The following SERGEF variants were observed in gnomAD, a reference collection of about 807,000 sequenced individuals.
SERGEF encodes secretion-regulating guanine nucleotide exchange factor.
In SERGEF, 51 loss-of-function variants were observed where a neutral mutation model predicts 50.0. The ratio of observed to expected loss-of-function variants is 1.02; its 90% confidence interval spans 0.81 to 1.29. SERGEF has a LOEUF of 1.29. Ranked by LOEUF, SERGEF falls within the 50% of genes most tolerant of loss-of-function variation. SERGEF has a pLI of 0.00. For missense variants in SERGEF, 521 were observed against 557.0 expected (o/e 0.94, Z 0.65); for synonymous variants, 205 against 212.4 (o/e 0.97, Z 0.30).
chr11:17,807,147 A>G (rs1274771661), intron 10 of SERGEF, among the ~76,000 whole-genome samples: 2 of 152,204 alleles, frequency 1.3e-5, no homozygotes, highest in Admixed American at 6.5e-5. Context: ...AATGGAGAAG[A>G]GCAGTGTTCC....
chr11:17,813,048 C>A (rs1024803130), intron 10 of SERGEF, among the ~76,000 whole-genome samples: 5 of 152,244 alleles, frequency 3.3e-5, no homozygotes, highest in Admixed American at 3.3e-4. Context: ...AGAAGGGTAC[C>A]CTAAAACAAG....
At chr11:17,919,962 C>A (rs1308427073) in intron 9 of SERGEF, among the ~76,000 whole-genome samples, 1 of 119,856 alleles carries the variant, frequency 8.3e-6, no homozygotes, top group Admixed American at 8.4e-5. Context: ...AAAAAAAAAA[C>A]CGCAGCCAGG....
chr11:17,817,721 G>C (rs1195684364), intron 10 of SERGEF, among the ~76,000 whole-genome samples: 1 of 152,242 alleles, frequency 6.6e-6, no homozygotes, highest in Non-Finnish European at 1.5e-5. Context: ...TGCAAGGTTA[G>C]TGTTATTAAT....
At chr11:17,943,878 G>T (rs555751810) in intron 9 of SERGEF, among the ~76,000 whole-genome samples, 42 of 152,186 alleles carry the variant, frequency 2.8e-4, no homozygotes, top group African/African-American at 9.4e-4. Flanking sequence ...AAATCTCAAC[G>T]TTTCACTAGC....
intron 10 of SERGEF, among the ~76,000 whole-genome samples, chr11:17,802,861 G>A (rs562547686): frequency 2.6e-5 from 4 of 152,148 alleles, no homozygotes; most frequent in Admixed American, 2.6e-4. Context: ...TTCCTTCCCA[G>A]CACGTAATAC....
chr11:17,883,568 G>A (rs1051779375), intron 9 of SERGEF, among the ~76,000 whole-genome samples: 1 of 152,224 alleles, frequency 6.6e-6, no homozygotes, highest in Non-Finnish European at 1.5e-5. Flanking sequence ...AAGGTAACTT[G>A]TGCAGTGTTT....
chr11:17,819,842 G>T (rs994635370), intron 10 of SERGEF, among the ~76,000 whole-genome samples: 10 of 149,764 alleles, frequency 6.7e-5, no homozygotes, highest in South Asian at 6.2e-4. Context: ...TTGCTTTTTT[G>T]TTGTTGTTGT....
At chr11:17,849,875 A>G (rs1850680389) in intron 10 of SERGEF, among the ~76,000 whole-genome samples, 2 of 152,180 alleles carry the variant, frequency 1.3e-5, no homozygotes, top group Non-Finnish European at 2.9e-5. Flanking sequence ...CTGCTTTACT[A>G]TATTATGTCT....
chr11:17,999,387 A>G (rs1853911968), intron 5 of SERGEF: 1 of 315,742 alleles, frequency 3.2e-6, no homozygotes, highest in Non-Finnish European at 6.2e-6. Flanking sequence ...TTGCAGCTGC[A>G]TGTGCATCTG....
rs116295164 is a variant in SERGEF, at chr11:18,012,082, C to T, written c.60+869G>A. Reference sequence around the variant, plus strand: ...CAGCACATGGGTAGGCACACAGATGCTCGTTCATTCATTCGTCAACGAGTA... The same window carrying T: ...CAGCACATGGGTAGGCACACAGATGTTCGTTCATTCATTCGTCAACGAGTA... On this transcript the variant is annotated intron_variant, in intron 1 of 10. Transcript: ENST00000265965. Among the ~76,000 whole-genome samples, 846 of 152,260 alleles carry T rather than the reference C, an allele frequency of 5.6e-3. 12 individuals carry two copies. Among genetic ancestry groups the T allele is most frequent in the African/African-American group, 0.02 (822 of 41,542 alleles).
At chr11:17,915,067 C>G (rs1338664462) in intron 9 of SERGEF, among the ~76,000 whole-genome samples, 1 of 152,178 alleles carries the variant, frequency 6.6e-6, no homozygotes, top group African/African-American at 2.4e-5. Flanking sequence ...AAACCTGTGT[C>G]TAATTCATTT....
At chr11:17,970,153 G>A (rs1341024457) in intron 8 of SERGEF, among the ~76,000 whole-genome samples, 1 of 152,204 alleles carries the variant, frequency 6.6e-6, no homozygotes, top group Non-Finnish European at 1.5e-5. Context: ...TTGAAGGTTT[G>A]TGGCAACCCT....
intron 1 of SERGEF, 74 bp downstream of exon 1, chr11:18,012,877 C>A (rs1281791619): frequency 6.5e-7 from 1 of 1,528,962 alleles, no homozygotes; most frequent in Non-Finnish European, 8.7e-7. Flanking sequence ...CTGAACTGCC[C>A]ACGCCGCGGC....
intron 9 of SERGEF, among the ~76,000 whole-genome samples, chr11:17,913,863 T>TA (rs1484954014): frequency 6.6e-6 from 1 of 152,158 alleles, no homozygotes; most frequent in African/African-American, 2.4e-5. Context: ...CCACCTTACT[T>TA]AGACTTTGAC....
chr11:17,872,997 A>G (rs778948186), intron 10 of SERGEF, among the ~76,000 whole-genome samples: 3 of 152,216 alleles, frequency 2.0e-5, no homozygotes, highest in Non-Finnish European at 2.9e-5. Context: ...AGTAACAGGC[A>G]TTACCTGCAC....
intron 1 of SERGEF, 193 bp downstream of exon 1, chr11:18,012,758 C>T (rs995972325): frequency 1.4e-6 from 2 of 1,436,170 alleles, no homozygotes; most frequent in Non-Finnish European, 1.9e-6. Flanking sequence ...CTAAGTCGAC[C>T]GCGAAGACCC....
At chr11:17,843,372 T>C (rs960753754) in intron 10 of SERGEF, among the ~76,000 whole-genome samples, 8 of 152,220 alleles carry the variant, frequency 5.3e-5, no homozygotes, top group South Asian at 4.1e-4. Context: ...TGTCAAGCAC[T>C]CTGCATCCAT....
At chr11:17,817,053 T>C (rs1325598731) in intron 10 of SERGEF, among the ~76,000 whole-genome samples, 1 of 152,204 alleles carries the variant, frequency 6.6e-6, no homozygotes, top group African/African-American at 2.4e-5. Context: ...TCTCCTCTGC[T>C]GCTGGTGTTG....
intron 9 of SERGEF, among the ~76,000 whole-genome samples, chr11:17,956,659 T>G (rs2283238): frequency 0.51 from 77,680 of 151,746 alleles, 20,322 homozygotes; most frequent in Middle Eastern, 0.65. Flanking sequence ...GGACCCTTCT[T>G]TGCAGACATC....
Sources: gnomAD v4.1 joint callset for allele counts (sites outside exome capture counted in the v4.1 genomes callset) on GRCh38, gnomAD v4.1.1 for gene constraint, MANE v1.5 for transcripts, NCBI Gene and HGNC (gene_info 2026-07-23, HGNC 2026-07-21) for gene names.